NBAS: variants seen among roughly 807,000 people sequenced by gnomAD.
NBAS encodes NBAS subunit of NRZ tethering complex.
A neutral mutation model predicts 302.5 loss-of-function variants in NBAS; 219 were observed. The ratio of observed to expected loss-of-function variants is 0.72; its 90% confidence interval spans 0.65 to 0.81. NBAS has a LOEUF of 0.81. Among genes scored for constraint, NBAS ranks in the 30% least tolerant of loss-of-function variants. The probability of loss-of-function intolerance (pLI) is 0.00; values close to 1 mark genes in which losing one functional copy is unlikely to be tolerated. For synonymous variants in NBAS, 1,118 were observed against 1,021.6 expected (o/e 1.09, Z -1.80); for missense variants, 2,932 against 2,841.6 (o/e 1.03, Z -0.72).
At chr2:15,047,489 G>C in the NBAS span, among the ~76,000 whole-genome samples, 1 of 151,314 alleles carries the variant, frequency 6.6e-6, no homozygotes, top group African/African-American at 2.4e-5. Flanking sequence ...CCTTATGCCA[G>C]TAAGGGCTAG....
In NBAS at chr2:15,330,604, G is replaced by C; in HGVS notation, c.4341C>G (p.Pro1447=). The C allele has an allele frequency of 6.2e-7, 1 of 1,613,744 alleles. No individual in the cohort carries two copies. Among genetic ancestry groups the C allele is most frequent in the South Asian group, 1.1e-5 (1 of 91,062 alleles). ...AGAAAGATGCACTGCTTACCTGAAGGGGTCGAAGGTAAGTTAAAGACTTCT... is the reference window on the plus strand; with the variant it reads ...AGAAAGATGCACTGCTTACCTGAAGCGGTCGAAGGTAAGTTAAAGACTTCT... ...WWKKSLTYLR[P]LQGQKCGGAY... is the part of the protein sequence containing the mutation. The change falls in exon 36 of 52, where the codon CCC becomes CCG. Residue 1447 remains proline, a synonymous_variant. Coordinates refer to ENST00000281513, the MANE Select transcript of NBAS (RefSeq NM_015909.4).
the NBAS span, among the ~76,000 whole-genome samples, chr2:14,975,199 C>G: frequency 6.6e-6 from 1 of 152,148 alleles, no homozygotes; most frequent in African/African-American, 2.4e-5. Flanking sequence ...CTTGTGAGAC[C>G]CTAAACAGGG....
chr2:15,180,734 C>A (rs533435749), intron 50 of NBAS, among the ~76,000 whole-genome samples: 14 of 152,194 alleles, frequency 9.2e-5, no homozygotes, highest in African/African-American at 3.4e-4. Flanking sequence ...CTAGTGCAAC[C>A]GAGGAACTGC....
At chr2:14,849,576 A>G in the NBAS span, among the ~76,000 whole-genome samples, 1 of 149,898 alleles carries the variant, frequency 6.7e-6, no homozygotes, top group Non-Finnish European at 1.5e-5. Context: ...GGAAATACAG[A>G]GAATGCCACA....
At chr2:15,308,126 C>G in intron 40 of NBAS, 90 bp downstream of exon 40, 4 of 1,574,872 alleles carry the variant, frequency 2.5e-6, no homozygotes, top group Non-Finnish European at 3.5e-6. Flanking sequence ...CATATGTAAT[C>G]AGTTCCTCCA....
At chr2:14,972,555 A>G in the NBAS span, among the ~76,000 whole-genome samples, 2 of 152,216 alleles carry the variant, frequency 1.3e-5, no homozygotes, top group Non-Finnish European at 2.9e-5. Flanking sequence ...AAATTAACCC[A>G]AACAGTATGA....
At chr2:15,396,313 A>T in intron 27 of NBAS, 100 bp downstream of exon 27, 1 of 937,990 alleles carries the variant, frequency 1.1e-6, no homozygotes, top group Non-Finnish European at 1.6e-6. Flanking sequence ...AAATGAGGTT[A>T]AAGTAGAAAC....
In NBAS at chr2:15,237,066, T is replaced by C. The variant is rs557858922; in HGVS notation, c.5943+1402A>G. ...ATAAATGTGTAAGGTTTAAGAAAAA[T>C]AAAAGAGGAGGTTAACGGCCACTTA... On this transcript the variant is annotated intron_variant, in intron 45 of 51. Transcript: ENST00000281513. Among the ~76,000 whole-genome samples, 5 of 152,148 alleles carry C rather than the reference T, an allele frequency of 3.3e-5. No homozygotes were observed. The South Asian group carries it at 1.0e-3, about 32-fold the overall frequency.
chr2:15,269,709 C>T (rs1457125573), intron 44 of NBAS, among the ~76,000 whole-genome samples: 1 of 152,258 alleles, frequency 6.6e-6, no homozygotes, highest in South Asian at 2.1e-4. Flanking sequence ...TTCTAAATGC[C>T]TTCATGCAAT....
the NBAS span, among the ~76,000 whole-genome samples, chr2:15,072,765 A>G: frequency 6.6e-6 from 1 of 152,184 alleles, no homozygotes; most frequent in East Asian, 1.9e-4. Flanking sequence ...TTTTATGTTT[A>G]TCTTATGTAC....
chr2:15,323,290 A>G (rs745688322), intron 38 of NBAS, among the ~76,000 whole-genome samples: 1 of 152,168 alleles, frequency 6.6e-6, no homozygotes, highest in Non-Finnish European at 1.5e-5. Context: ...TTGTGCACCC[A>G]CCACATAGAA....
intron 21 of NBAS, among the ~76,000 whole-genome samples, chr2:15,447,005 T>C (rs1207844055): frequency 3.3e-5 from 5 of 149,706 alleles, no homozygotes; most frequent in Admixed American, 1.3e-4. Flanking sequence ...CAATGAAAAA[T>C]TGAGACAAGT....
At chr2:14,818,541 C>A in the NBAS span, among the ~76,000 whole-genome samples, 1 of 152,138 alleles carries the variant, frequency 6.6e-6, no homozygotes, top group Non-Finnish European at 1.5e-5. Context: ...TTTCTCTTTT[C>A]CCCCATTCTT....
At chr2:15,538,584 G>A (rs534811547) in intron 7 of NBAS, among the ~76,000 whole-genome samples, 5 of 152,274 alleles carry the variant, frequency 3.3e-5, no homozygotes, top group Non-Finnish European at 7.4e-5. Flanking sequence ...CAGCCAGAGT[G>A]AGAACCACTG....
At chr2:15,277,969 T>C (rs978935635) in intron 42 of NBAS, among the ~76,000 whole-genome samples, 1 of 152,060 alleles carries the variant, frequency 6.6e-6, no homozygotes, top group African/African-American at 2.4e-5. Flanking sequence ...CAGCCCTGCA[T>C]TCACAGAAGT....
At chr2:15,280,807 A>G (rs969847999) in intron 42 of NBAS, among the ~76,000 whole-genome samples, 10 of 152,180 alleles carry the variant, frequency 6.6e-5, no homozygotes, top group African/African-American at 2.4e-4. Context: ...TTGACTACTG[A>G]GCAACAAGAC....
chr2:15,081,479 C>T, the NBAS span, among the ~76,000 whole-genome samples: 1 of 152,188 alleles, frequency 6.6e-6, no homozygotes, highest in Admixed American at 6.5e-5. Context: ...TAAGAACAGT[C>T]CAGTGTATCC....
At chr2:15,232,839 T>C (rs1339727536) in intron 46 of NBAS, among the ~76,000 whole-genome samples, 1 of 151,006 alleles carries the variant, frequency 6.6e-6, no homozygotes, top group Admixed American at 6.6e-5. Context: ...GTAATAATGA[T>C]TTAAATCCTC....
At chr2:15,482,680 C>T (rs950768550) in intron 12 of NBAS, among the ~76,000 whole-genome samples, 1 of 116,402 alleles carries the variant, frequency 8.6e-6, no homozygotes, top group South Asian at 2.7e-4. Context: ...GTAAGAAGTT[C>T]TTTGATTTTT....
Sources: allele counts gnomAD v4.1 joint callset (sites outside exome capture counted in the v4.1 genomes callset), GRCh38; gene constraint gnomAD v4.1.1; transcripts MANE v1.5; gene names NCBI Gene and HGNC (gene_info 2026-07-23, HGNC 2026-07-21).